The following ATRNL1 variants were observed in gnomAD, a reference collection of about 807,000 sequenced individuals.
The protein encoded by ATRNL1 is attractin-like protein 1.
Under a neutral mutation model 182.7 loss-of-function variants are expected in ATRNL1, and 95 were observed. The ratio of observed to expected loss-of-function variants is 0.52; its 90% CI spans 0.44 to 0.62. The LOEUF (loss-of-function observed/expected upper bound fraction) is 0.62, where lower values mean the gene tolerates loss of function less well. Ranked by LOEUF, ATRNL1 falls within the 20% of genes least tolerant of loss-of-function variation. The pLI is 0.00. For synonymous variants in ATRNL1, 576 were observed against 568.3 expected (o/e 1.01, Z -0.19); for missense variants, 1,471 against 1,679.5 (o/e 0.88, Z 2.17).
chr10:115,697,241 A>C (rs1749985672), intron 26 of ATRNL1, among the ~76,000 whole-genome samples: 1 of 152,100 alleles, frequency 6.6e-6, no homozygotes, highest in Non-Finnish European at 1.5e-5. Context: ...CCCACTTTTT[A>C]GTGTGTTTTT....
chr10:115,856,450 A>AAAAAAAAAAAAAAACC (rs56927270), intron 28 of ATRNL1, among the ~76,000 whole-genome samples: 2 of 147,424 alleles, frequency 1.4e-5, no homozygotes, highest in African/African-American at 2.5e-5. Context: ...AAAAAAAAAA[A>AAAAAAAAAAAAAAACC]GCCATACATA....
In ATRNL1 at chr10:115,488,151, G is replaced by A. The variant is rs374030413; in HGVS notation, c.3654+18822G>A. Among the ~76,000 whole-genome samples, 10 of 152,200 alleles carry A rather than the reference G, an allele frequency of 6.6e-5. 1 individual carries two copies. Among genetic ancestry groups the A allele is most frequent in the African/African-American group, 1.9e-4 (8 of 41,550 alleles). ...GTATTTTACTGAGGATTTTTGCATC[G>A]ATGTTCATCAGGGATATTGGCCTGA... is the stretch of plus-strand genomic sequence containing the variant. On this transcript the variant is annotated intron_variant, in intron 24 of 28. Coordinates refer to ENST00000355044, the MANE Select transcript of ATRNL1 (RefSeq NM_207303.4).
rs1856454470 is a variant in ATRNL1 at position 115,355,310 on chromosome 10, TGA to T, written c.3175+20893_3175+20894del. Reference sequence around the variant, plus strand: ...AGTTTTCTGAGAATTCAAATGGGATTGAGTGTTAAATTACTTATTTCTGTGGT... The same window carrying T: ...AGTTTTCTGAGAATTCAAATGGGATTGTGTTAAATTACTTATTTCTGTGGT... On this transcript the variant is annotated intron_variant, in intron 19 of 28. Coordinates refer to ENST00000355044, the MANE Select transcript of ATRNL1 (RefSeq NM_207303.4). Among the ~76,000 whole-genome samples the T allele has an allele frequency of 2.0e-5, 3 of 152,280 alleles. No individual in the cohort carries two copies. The South Asian group carries it at 6.2e-4, about 32-fold the overall frequency.
intron 27 of ATRNL1, among the ~76,000 whole-genome samples, chr10:115,729,218 A>G (rs993563960): frequency 4.0e-5 from 6 of 151,888 alleles, no homozygotes; most frequent in Non-Finnish European, 8.8e-5. Flanking sequence ...TTCATGTTCT[A>G]TTTTTTCCAA....
At chr10:115,724,876 A>G (rs759215887) in intron 26 of ATRNL1, among the ~76,000 whole-genome samples, 2 of 152,180 alleles carry the variant, frequency 1.3e-5, no homozygotes, top group Non-Finnish European at 2.9e-5. Flanking sequence ...CTATCACACT[A>G]AAGCAAGAGT....
intron 24 of ATRNL1, among the ~76,000 whole-genome samples, chr10:115,489,957 G>T (rs911742506): frequency 6.6e-6 from 1 of 152,104 alleles, no homozygotes; most frequent in African/African-American, 2.4e-5. Context: ...GCCTGTAAAG[G>T]ATTTTATTTT....
At chr10:115,203,787 G>A (rs1848695539) in intron 8 of ATRNL1, among the ~76,000 whole-genome samples, 1 of 146,128 alleles carries the variant, frequency 6.8e-6, no homozygotes, top group Non-Finnish European at 1.5e-5. Context: ...AGTAGAGACA[G>A]GGTTTCACTA....
chr10:115,300,173 G>A lies in ATRNL1; in HGVS notation c.2555G>A (p.Arg852Lys), dbSNP rs1554924004. ...TCTGGGTTTTGTGCATATCTGGAAAGGGCTGCAGTGGCAGGCTTAAAAGCT... is the reference window on the plus strand; with the variant it reads ...TCTGGGTTTTGTGCATATCTGGAAAAGGCTGCAGTGGCAGGCTTAAAAGCT... ...NDSGFCAYLE[R>K]AAVAGLKANP... The change falls in exon 16 of 29, where the codon AGG becomes AAG. Residue 852 changes from arginine to lysine, a missense_variant. Around this residue, in one of 3 missense-constraint regions of ATRNL1, gnomAD observed 1,031 missense variants for 1,156.0 expected, o/e 0.89. Coordinates refer to ENST00000355044, the MANE Select transcript of ATRNL1 (RefSeq NM_207303.4). The A allele has an allele frequency of 6.2e-7, 1 of 1,614,062 alleles. No homozygotes were observed. Among genetic ancestry groups the A allele is most frequent in the East Asian group, 2.2e-5 (1 of 44,870 alleles).
intron 8 of ATRNL1, among the ~76,000 whole-genome samples, chr10:115,172,116 T>C (rs1847318419): frequency 6.6e-6 from 1 of 152,042 alleles, no homozygotes; most frequent in Admixed American, 6.6e-5. Flanking sequence ...AGTACTTGTA[T>C]GCTCAGAGGA....
chr10:115,907,841 GACTT>G (rs1952549475), intron 28 of ATRNL1, among the ~76,000 whole-genome samples: 1 of 152,032 alleles, frequency 6.6e-6, no homozygotes, highest in African/African-American at 2.4e-5. Context: ...GCCTTGTTAG[GACTT>G]ACTTCATTTT....
chr10:115,689,835 C>T (rs1345467191), intron 26 of ATRNL1, among the ~76,000 whole-genome samples: 1 of 152,182 alleles, frequency 6.6e-6, no homozygotes, highest in Admixed American at 6.6e-5. Flanking sequence ...CACACACTGT[C>T]CTGGACGCTG....
chr10:115,598,818 A>G (rs1343707915), intron 26 of ATRNL1, among the ~76,000 whole-genome samples: 1 of 152,168 alleles, frequency 6.6e-6, no homozygotes, highest in Non-Finnish European at 1.5e-5. Context: ...ATCTGTTTTA[A>G]TATGTTCATC....
At chr10:115,777,916 C>T (rs1224237512) in intron 27 of ATRNL1, among the ~76,000 whole-genome samples, 1 of 152,146 alleles carries the variant, frequency 6.6e-6, no homozygotes, top group East Asian at 1.9e-4. Flanking sequence ...ATCATTATAG[C>T]CTTGAAGTGA....
At chr10:115,382,692 CT>C (rs34063669) in intron 19 of ATRNL1, among the ~76,000 whole-genome samples, 11,605 of 114,164 alleles carry the variant, frequency 0.1, 550 homozygotes, top group Non-Finnish European at 0.15. Flanking sequence ...CTGTTCTTTG[CT>C]TTTTTTTTTT....
intron 20 of ATRNL1, among the ~76,000 whole-genome samples, chr10:115,412,494 T>C (rs1446276781): frequency 2.6e-5 from 4 of 152,226 alleles, no homozygotes; most frequent in Non-Finnish European, 5.9e-5. Flanking sequence ...AAATGTGTGT[T>C]GATTATAGTT....
intron 27 of ATRNL1, among the ~76,000 whole-genome samples, chr10:115,788,525 T>C (rs1384315042): frequency 1.3e-5 from 2 of 152,216 alleles, no homozygotes; most frequent in Non-Finnish European, 2.9e-5. Flanking sequence ...ATTATATTTC[T>C]AGTTGCCTAC....
intron 21 of ATRNL1, among the ~76,000 whole-genome samples, chr10:115,451,327 T>C (rs1554967589): frequency 6.6e-6 from 1 of 152,038 alleles, no homozygotes; most frequent in East Asian, 1.9e-4. Flanking sequence ...AACTATCAAC[T>C]ATCCTGTAGA....
At chr10:115,940,544 C>T (rs1172196362) in intron 28 of ATRNL1, among the ~76,000 whole-genome samples, 6 of 152,166 alleles carry the variant, frequency 3.9e-5, no homozygotes, top group South Asian at 2.1e-4. Flanking sequence ...ATAACTGCTA[C>T]ATTTAGGGGA....
At chr10:115,130,444 TG>T (rs1166949406) in intron 5 of ATRNL1, among the ~76,000 whole-genome samples, 1 of 152,092 alleles carries the variant, frequency 6.6e-6, no homozygotes, top group Non-Finnish European at 1.5e-5. Flanking sequence ...AAAGTGTTGT[TG>T]GGTATGTTGA....
Sources: gnomAD v4.1 joint callset for allele counts (sites outside exome capture counted in the v4.1 genomes callset) on GRCh38, gnomAD v4.1.1 for gene constraint, gnomAD v4.1.1 regional missense constraint, MANE v1.5 for transcripts, NCBI Gene and HGNC (gene_info 2026-07-23, HGNC 2026-07-21) for gene names.